The following ASTN2 variants were observed in gnomAD, a reference collection of about 807,000 sequenced individuals.
The protein encoded by ASTN2 is astrotactin-2.
A neutral mutation model predicts 139.8 loss-of-function variants in ASTN2; 54 were observed. That is an observed-to-expected ratio of 0.39 (90% CI 0.31 to 0.48). The LOEUF is 0.48. ASTN2 is among the 20% of genes least tolerant of loss of function. The probability of loss-of-function intolerance (pLI) is 0.95; values close to 1 mark genes in which losing one functional copy is unlikely to be tolerated. For missense variants in ASTN2, 1,565 were observed against 1,725.1 expected (o/e 0.91, Z 1.64); for synonymous variants, 756 against 719.5 (o/e 1.05, Z -0.81).
At chr9:117,248,516 G>A (rs988961973) in intron 2 of ASTN2, among the ~76,000 whole-genome samples, 4 of 152,210 alleles carry the variant, frequency 2.6e-5, no homozygotes, top group Non-Finnish European at 5.9e-5. Flanking sequence ...ATCCTAGAGA[G>A]ACTTACAAGT....
At chr9:117,114,465 T>C (rs887030715) in intron 4 of ASTN2, among the ~76,000 whole-genome samples, 8 of 152,208 alleles carry the variant, frequency 5.3e-5, no homozygotes, top group Admixed American at 2.0e-4. Context: ...GAGGCCCTCA[T>C]TGATACACTG....
At chr9:116,807,563 A>G (rs1445384274) in intron 12 of ASTN2, among the ~76,000 whole-genome samples, 1 of 152,196 alleles carries the variant, frequency 6.6e-6, no homozygotes, top group Non-Finnish European at 1.5e-5. Context: ...TTCTTTTTGC[A>G]TCTGTTAAAT....
chr9:116,797,122 T>C (rs1262934486), intron 13 of ASTN2, among the ~76,000 whole-genome samples: 1 of 151,992 alleles, frequency 6.6e-6, no homozygotes, highest in East Asian at 1.9e-4. Flanking sequence ...AAAATCTAAA[T>C]AAACAAAGAG....
intron 2 of ASTN2, among the ~76,000 whole-genome samples, chr9:117,268,203 G>A (rs868295854): frequency 7.9e-5 from 12 of 152,126 alleles, no homozygotes; most frequent in African/African-American, 2.9e-4. Flanking sequence ...TAAAAGCCAT[G>A]TATGTCCACC....
intron 1 of ASTN2, among the ~76,000 whole-genome samples, chr9:117,372,103 G>A (rs1239155600): frequency 6.6e-6 from 1 of 152,118 alleles, no homozygotes; most frequent in Non-Finnish European, 1.5e-5. Flanking sequence ...GTGCCTTGTT[G>A]AGCATCCTCA....
intron 6 of ASTN2, among the ~76,000 whole-genome samples, chr9:117,037,087 T>A (rs1292177333): frequency 1.3e-5 from 2 of 152,128 alleles, no homozygotes; most frequent in Non-Finnish European, 2.9e-5. Flanking sequence ...ACATATTTGC[T>A]GAATATCCAT....
At chr9:116,522,655 C>A (rs1289462954) in intron 19 of ASTN2, among the ~76,000 whole-genome samples, 1 of 151,806 alleles carries the variant, frequency 6.6e-6, no homozygotes, top group African/African-American at 2.4e-5. Context: ...TTCCCTAAAA[C>A]GTACTGAAGT....
At chr9:116,819,567 G>A (rs1379692265) in intron 12 of ASTN2, among the ~76,000 whole-genome samples, 1 of 152,018 alleles carries the variant, frequency 6.6e-6, no homozygotes, top group Non-Finnish European at 1.5e-5. Flanking sequence ...CTGGTAAACT[G>A]GAATTAAACC....
chr9:117,320,068 A>C (rs573219385), intron 1 of ASTN2, among the ~76,000 whole-genome samples: 1 of 152,312 alleles, frequency 6.6e-6, no homozygotes, highest in South Asian at 2.1e-4. Context: ...TAGCAAAGTC[A>C]AATTAAACAA....
At chr9:117,313,210 C>A (rs1217623793) in intron 1 of ASTN2, among the ~76,000 whole-genome samples, 1 of 152,218 alleles carries the variant, frequency 6.6e-6, no homozygotes, top group Non-Finnish European at 1.5e-5. Context: ...ATGGAAAGAG[C>A]CTTGAGGAGG....
chr9:117,014,728 G>T (rs552729922), intron 6 of ASTN2, among the ~76,000 whole-genome samples: 78 of 152,138 alleles, frequency 5.1e-4, no homozygotes, highest in African/African-American at 1.8e-3. Context: ...GGTCATTAGG[G>T]CGGGTCCTAT....
In ASTN2 at chr9:117,233,675, A is replaced by AT. The variant is rs145004239; in HGVS notation, c.631-18934dup. 4.2e-3 allele frequency among the ~76,000 whole-genome samples: 642 copies of AT among 152,088 alleles called. 10 individuals carry two copies. In the East Asian group the frequency reaches 0.072, roughly 17 times the overall value. On this transcript the variant is annotated intron_variant, in intron 2 of 22. Coordinates refer to ENST00000313400, the MANE Select transcript of ASTN2 (RefSeq NM_001365068.1). ...TCAGTGCCTAAAATAATTAGCTTGA[A>AT]TTTTTTTTTAAAAAAAAGAATATAG...
intron 3 of ASTN2, among the ~76,000 whole-genome samples, chr9:117,169,296 C>T (rs1830737999): frequency 6.6e-6 from 1 of 152,048 alleles, no homozygotes; most frequent in Admixed American, 6.6e-5. Context: ...GGAACTCAGT[C>T]CAAATGCCTC....
At chr9:117,114,919 C>G (rs1829340443) in intron 4 of ASTN2, among the ~76,000 whole-genome samples, 1 of 152,094 alleles carries the variant, frequency 6.6e-6, no homozygotes, top group Admixed American at 6.5e-5. Flanking sequence ...ACAACTGCAC[C>G]CATTTCCAGC....
chr9:117,094,940 A>G lies in ASTN2; in HGVS notation c.1276+1104T>C, dbSNP rs567646716. Among the ~76,000 whole-genome samples the G allele has an allele frequency of 2.1e-4, 32 of 152,310 alleles. 1 individual carries two copies. The South Asian group carries it at 6.4e-3, about 31-fold the overall frequency. ...TTGCCTAAGAGCCAAAGGAGCACAC[A>G]GAAGTTATGGGGATCTGTGCTTTTG... On this transcript the variant is annotated intron_variant, in intron 5 of 22. Transcript: ENST00000313400.
chr9:116,975,414 T>G, intron 9 of ASTN2, 69 bp from the exon 10 acceptor site: 3 of 1,460,658 alleles, frequency 2.1e-6, no homozygotes, highest in Non-Finnish European at 2.7e-6. Context: ...AAGGGGCCCC[T>G]GTTCCCATCC....
intron 13 of ASTN2, among the ~76,000 whole-genome samples, chr9:116,803,501 TATATATATATATATATATA>T (rs1419255577): frequency 0.083 from 594 of 7,180 alleles, 20 homozygotes; most frequent in Admixed American, 0.16. Context: ...TATATATATA[TATATATATATATATATATA>T]TATTTTTTTT....
intron 3 of ASTN2, among the ~76,000 whole-genome samples, chr9:117,184,834 A>AGAC (rs1430816403): frequency 6.6e-6 from 1 of 152,180 alleles, no homozygotes; most frequent in Admixed American, 6.5e-5. Flanking sequence ...ACAGATGGGA[A>AGAC]GACTGAGACT....
chr9:116,562,098 G>A (rs534330268), intron 19 of ASTN2: 5 of 152,336 alleles, frequency 3.3e-5, no homozygotes, highest in African/African-American at 9.6e-5. Context: ...CAGTCCAGAA[G>A]ATGGGAGAAT....
Sources: gnomAD v4.1 joint callset for allele counts (sites outside exome capture counted in the v4.1 genomes callset) on GRCh38, gnomAD v4.1.1 for gene constraint, MANE v1.5 for transcripts, NCBI Gene and HGNC (gene_info 2026-07-23, HGNC 2026-07-21) for gene names.